IMPDH2: variants seen among roughly 807,000 people sequenced by gnomAD.
IMPDH2 encodes inosine-5'-monophosphate dehydrogenase 2.
Under a neutral mutation model 57.8 loss-of-function variants are expected in IMPDH2, and 33 were observed. The observed-to-expected ratio is 0.57, with a 90% CI of 0.43 to 0.76. The LOEUF (loss-of-function observed/expected upper bound fraction) is 0.76, where lower values mean the gene tolerates loss of function less well. Among genes scored for constraint, IMPDH2 ranks in the 30% least tolerant of loss-of-function variants. The pLI is 0.00. For missense variants in IMPDH2, 446 were observed against 659.1 expected (o/e 0.68, Z 3.54); for synonymous variants, 270 against 241.3 (o/e 1.12, Z -1.10).
At chr3:49,028,176 C>T in intron 4 of IMPDH2, 72 bp downstream of exon 4, 2 of 1,230,370 alleles carry the variant, frequency 1.6e-6, no homozygotes, top group South Asian at 2.4e-5. Flanking sequence ...TTAGAATAAA[C>T]CCCTACTCCC....
Position 49,026,355 on chromosome 3 carries a change from C to CGAA in IMPDH2, c.974_975insTTC (p.Met325delinsIleSer). 6.2e-7 allele frequency: 1 copy of CGAA among 1,613,236 alleles called. No homozygotes were observed. The highest frequency in any genetic ancestry group is 1.3e-5 in the African/African-American group (1 of 75,030). ...GCGTAATGCAGATGGAGCCACTTCCCATGCCCACCCGCAGGGCATCCACAC... is the reference window on the plus strand; with the variant it reads ...GCGTAATGCAGATGGAGCCACTTCCCGAAATGCCCACCCGCAGGGCATCCACAC... On this transcript the variant is annotated protein_altering_variant, in exon 9 of 14. Coordinates refer to ENST00000326739, the MANE Select transcript of IMPDH2 (RefSeq NM_000884.3).
Position 49,027,052 on chromosome 3 carries a change from G to T in IMPDH2, c.532-5C>A. On this transcript the variant is annotated splice_polypyrimidine_tract_variant and splice_region_variant and intron_variant, in intron 5 of 13. Coordinates refer to ENST00000326739, the MANE Select transcript of IMPDH2 (RefSeq NM_000884.3). The stretch of plus-strand genomic sequence containing the variant: ...GTCTTCCCTCTTTGTCATTATCTAC[G>T]TGGGAGGTGAGATGTGAAGAAGGGC... The T allele has an allele frequency of 6.2e-7, 1 of 1,605,476 alleles. No homozygotes were observed. Among genetic ancestry groups the T allele is most frequent in the South Asian group, 1.1e-5 (1 of 90,920 alleles).
chr3:49,027,963 C>A (rs1485460723), intron 4 of IMPDH2, 47 bp from the exon 5 acceptor site: 4 of 1,412,140 alleles, frequency 2.8e-6, no homozygotes, highest in Admixed American at 3.7e-5. Context: ...GAACTACTTT[C>A]ATCAGGCTCT....
chr3:49,024,738 G>C lies in IMPDH2; in HGVS notation c.1360C>G (p.His454Asp). ...GCAATCAGGTAAGGGACAAATTTGT[G>C]GATTGACCCTTTGTCCTGCACAGCA... is the stretch of plus-strand genomic sequence containing the variant. ...SGAVQDKGSI[H>D]KFVPYLIAGI... The change falls in exon 12 of 14, where the codon CAC becomes GAC. Residue 454 changes from histidine to aspartate, a missense_variant. His to Asp is a moderately conservative substitution (Grantham distance 81). Transcript: ENST00000326739. 6.2e-7 allele frequency: 1 copy of C among 1,614,178 alleles called. No individual in the cohort carries two copies. The highest frequency in any genetic ancestry group is 8.5e-7 in the Non-Finnish European group (1 of 1,180,038).
At chr3:49,025,837 G>A (rs1003518601) in intron 9 of IMPDH2, among the ~76,000 whole-genome samples, 3 of 152,180 alleles carry the variant, frequency 2.0e-5, no homozygotes, top group African/African-American at 7.2e-5. Flanking sequence ...GAAGGAAGAG[G>A]GAGCTATGTT....
chr3:49,028,116 C>T, intron 4 of IMPDH2, 132 bp downstream of exon 4: 1 of 861,010 alleles, frequency 1.2e-6, no homozygotes, highest in Non-Finnish European at 1.9e-6. Flanking sequence ...AACAGAATCT[C>T]AGGGTCTTCT....
intron 2 of IMPDH2, 24 bp downstream of exon 2, chr3:49,028,734 G>T: frequency 6.2e-7 from 1 of 1,602,348 alleles, no homozygotes; most frequent in Non-Finnish European, 8.6e-7. Flanking sequence ...TGATGTTCAG[G>T]ACCCAATTCC....
In IMPDH2 at chr3:49,027,720, A is replaced by G. The variant is rs143297725; in HGVS notation, c.521T>C (p.Phe174Ser). The G allele has an allele frequency of 6.2e-7, 1 of 1,614,022 alleles. No homozygotes were observed. Among genetic ancestry groups the G allele is most frequent in the African/African-American group, 1.3e-5 (1 of 74,916 alleles). ...DFLKEEEHDC[F>S]LEEIMTKRED... ...GCCAGTGGCACCCACCTCTTCCAAG[A>G]AACAGTCATGTTCCTCCTCTTTGAG... is the stretch of plus-strand genomic sequence containing the variant. The change falls in exon 5 of 14, where the codon TTC (phenylalanine) becomes TCC (serine). Residue 174 changes from phenylalanine to serine, a missense_variant. Physicochemically the swap from Phe to Ser is radical, Grantham distance 155. Transcript: ENST00000326739.
At chr3:49,027,424 AAGG>A (rs763407300) in intron 5 of IMPDH2, among the ~76,000 whole-genome samples, 1 of 152,214 alleles carries the variant, frequency 6.6e-6, no homozygotes. Flanking sequence ...ACTATGGAAT[AAGG>A]AGGACAACAC....
Position 49,024,991 on chromosome 3 carries a change from G to T in IMPDH2, c.1200C>A (p.Tyr400Ter). 6.2e-7 allele frequency: 1 copy of T among 1,614,220 alleles called. No individual in the cohort carries two copies. The highest frequency in any genetic ancestry group is 8.5e-7 in the Non-Finnish European group (1 of 1,180,044). Residue 400 changes from tyrosine (Y) to a stop codon, truncating the protein, a stop_gained, in exon 11 of 14, where the codon TAC (tyrosine) becomes TAA (stop). Coordinates refer to ENST00000326739, the MANE Select transcript of IMPDH2 (RefSeq NM_000884.3). LOFTEE classifies it high-confidence loss of function. ...TTAGCCGGATCCCATCGGAAAAGAA[G>T]TATTCACCAGGGGCCTCAGTGGTGG... ...LAATTEAPGE[Y>*]FFSDGIRLKK...
At chr3:49,025,741 T>C (rs1255779410) in intron 9 of IMPDH2, among the ~76,000 whole-genome samples, 1 of 151,860 alleles carries the variant, frequency 6.6e-6, no homozygotes, top group Non-Finnish European at 1.5e-5. Context: ...CACAAAGGAG[T>C]TGGTCCCTGA....
chr3:49,026,753 G>A lies in IMPDH2; in HGVS notation c.753C>T (p.Gly251=). Reference sequence around the variant, plus strand: ...GCCTATACTTGTCATCCTCATGAGTGCCAATGGCTGCCCCACACAGCAGCT... The same window carrying A: ...GCCTATACTTGTCATCCTCATGAGTACCAATGGCTGCCCCACACAGCAGCT... ...KKQLLCGAAI[G]THEDDKYRLD... Residue 251 remains glycine (G), a synonymous_variant, in exon 7 of 14, where the codon GGC becomes GGT. Transcript: ENST00000326739. 6.2e-7 allele frequency: 1 copy of A among 1,614,230 alleles called. No homozygotes were observed. Among genetic ancestry groups the A allele is most frequent in the Non-Finnish European group, 8.5e-7 (1 of 1,180,046 alleles).
At chr3:49,025,773 G>A (rs1306586411) in intron 9 of IMPDH2, among the ~76,000 whole-genome samples, 2 of 152,240 alleles carry the variant, frequency 1.3e-5, no homozygotes, top group Non-Finnish European at 2.9e-5. Flanking sequence ...TGCAGAAGAT[G>A]TGGGCAGAAA....
At position 49,029,296 on chromosome 3, in the gene IMPDH2, T is replaced by G. The variant is rs1281371871; in HGVS notation, c.55A>C (p.Thr19Pro). 5.0e-6 allele frequency: 8 copies of G among 1,608,448 alleles called. No homozygotes were observed. The highest frequency in any genetic ancestry group is 5.9e-6 in the Non-Finnish European group (7 of 1,177,662). ...GTSYVPDDGL[T>P]AQQLFNCGDG... ...CCGCAGTTGAAGAGCTGCTGTGCTGTGAGTCCGTCGTCTGGCACGTAGGAC... is the reference window on the plus strand; with the variant it reads ...CCGCAGTTGAAGAGCTGCTGTGCTGGGAGTCCGTCGTCTGGCACGTAGGAC... The change falls in exon 1 of 14, where the codon ACA becomes CCA. Residue 19 changes from threonine to proline, a missense_variant. Transcript: ENST00000326739.
In IMPDH2 at chr3:49,028,779, G is replaced by T. The variant is rs564883805; in HGVS notation, c.126C>A (p.Ile42=). The change falls in exon 2 of 14, where the codon ATC becomes ATA. Residue 42 remains isoleucine, a synonymous_variant. Coordinates refer to ENST00000326739, the MANE Select transcript of IMPDH2 (RefSeq NM_000884.3). ...YNDFLILPGY[I]DFTADQVDLT... ...TCACCACCTGGTCTGCAGTGAAGTC[G>T]ATGTACCCAGGGAGAATGAGAAAGT... 2 of 1,613,796 alleles carry T rather than the reference G, an allele frequency of 1.2e-6. No individual in the cohort carries two copies. Among genetic ancestry groups the T allele is most frequent in the South Asian group, 1.1e-5 (1 of 91,066 alleles).
Position 49,024,596 on chromosome 3 carries a change from T to C in IMPDH2, c.1440-18A>G, listed in dbSNP as rs768318227. 6.2e-7 allele frequency: 1 copy of C among 1,613,926 alleles called. No individual in the cohort carries two copies. Among genetic ancestry groups the C allele is most frequent in the Non-Finnish European group, 8.5e-7 (1 of 1,179,960 alleles). On this transcript the variant is annotated intron_variant, in intron 12 of 13. Coordinates refer to ENST00000326739, the MANE Select transcript of IMPDH2 (RefSeq NM_000884.3). ...TCATGGCTCTGAAGAAGGGCAGAGGTCAAATGTGGGTAGCTGGCCCTGGAC... is the reference window on the plus strand; with the variant it reads ...TCATGGCTCTGAAGAAGGGCAGAGGCCAAATGTGGGTAGCTGGCCCTGGAC...
chr3:49,028,279 T>A lies in IMPDH2; in HGVS notation c.293A>T (p.Glu98Val), dbSNP rs757708139. The change falls in exon 4 of 14, where the codon GAA becomes GTA. Residue 98 changes from glutamate to valine, a missense_variant. Transcript: ENST00000326739. Reference protein sequence around the residue: ...IGFIHHNCTPEFQANEVRKVK... With the variant: ...IGFIHHNCTPVFQANEVRKVK... ...TTTCCGAACTTCATTGGCCTGGAAT[T>A]CAGGTGTACAGTTGTGGTGGATGAA... 2.5e-6 allele frequency: 4 copies of A among 1,614,182 alleles called. No individual in the cohort carries two copies. Among genetic ancestry groups the A allele is most frequent in the Non-Finnish European group, 2.5e-6 (3 of 1,180,026 alleles).
In IMPDH2 at chr3:49,027,833, C is replaced by T. The variant is rs1416278148; in HGVS notation, c.408G>A (p.Arg136=). The change falls in exon 5 of 14, where the codon CGG becomes CGA. Residue 136 remains arginine (R), a synonymous_variant. Coordinates refer to ENST00000326739, the MANE Select transcript of IMPDH2 (RefSeq NM_000884.3). ...RVRDVFEAKA[R]HGFCGIPITD... is the part of the protein sequence containing the mutation. ...TGATTGGGATACCGCAGAAACCATG[C>T]CGGGCCTTGGCCTCAAAAACATCCC... 1.9e-6 allele frequency: 3 copies of T among 1,614,118 alleles called. No homozygotes were observed. The highest frequency in any genetic ancestry group is 3.3e-5 in the Admixed American group (2 of 60,010).
At position 49,026,908 on chromosome 3, in the gene IMPDH2, A is replaced by C. The variant is rs761947757; in HGVS notation, c.620-22T>G. 7 of 1,613,972 alleles carry C rather than the reference A, an allele frequency of 4.3e-6. No individual in the cohort carries two copies. The South Asian group carries it at 7.7e-5, about 18-fold the overall frequency. On this transcript the variant is annotated intron_variant, in intron 6 of 13. Coordinates refer to ENST00000326739, the MANE Select transcript of IMPDH2 (RefSeq NM_000884.3). ...TTTCCTGTGGTCAGGGCAGGACATGAATCAGGACCCTAGGCATTAGTTCCA... is the reference window on the plus strand; with the variant it reads ...TTTCCTGTGGTCAGGGCAGGACATGCATCAGGACCCTAGGCATTAGTTCCA...
Sources: gnomAD v4.1 joint callset for allele counts (sites outside exome capture counted in the v4.1 genomes callset) on GRCh38, gnomAD v4.1.1 for gene constraint, MANE v1.5 for transcripts, NCBI Gene and HGNC (gene_info 2026-07-23, HGNC 2026-07-21) for gene names.